The following SLC22A5 variants were observed in gnomAD, a reference collection of about 807,000 sequenced individuals.
SLC22A5 encodes the protein organic cation/carnitine transporter 2.
SLC22A5 carries 44 observed loss-of-function variants against 56.7 expected under a neutral mutation model. The ratio of observed to expected loss-of-function variants is 0.78; its 90% CI spans 0.61 to 1.00. The LOEUF (loss-of-function observed/expected upper bound fraction) is 1.00, where lower values mean the gene tolerates loss of function less well. SLC22A5 is among the 50% of genes least tolerant of loss of function. The pLI is 0.00. For missense variants in SLC22A5, 675 were observed against 723.0 expected (o/e 0.93, Z 0.76); for synonymous variants, 278 against 292.1 (o/e 0.95, Z 0.49).
intron 4 of SLC22A5, 114 bp downstream of exon 4, chr5:132,385,613 C>A (rs1752502247): frequency 1.2e-6 from 1 of 855,560 alleles, no homozygotes; most frequent in Non-Finnish European, 1.9e-6. Flanking sequence ...AGACAGGAAG[C>A]ATAGATTATA....
At chr5:132,389,064 T>C (rs1022158800) in intron 6 of SLC22A5, 43 bp downstream of exon 6, 1 of 1,311,448 alleles carries the variant, frequency 7.6e-7, no homozygotes, top group African/African-American at 1.4e-5. Context: ...ACAAAGCTTC[T>C]TGAAGTGGCC....
chr5:132,384,338 G>A, intron 3 of SLC22A5, 37 bp downstream of exon 3: 1 of 1,595,552 alleles, frequency 6.3e-7, no homozygotes, highest in Admixed American at 1.7e-5. Flanking sequence ...ACTTGATCCT[G>A]TATTTCACCA....
intron 6 of SLC22A5, chr5:132,389,224 A>C (rs1362831231): frequency 1.8e-6 from 1 of 562,334 alleles, no homozygotes; most frequent in African/African-American, 1.9e-5. Context: ...GAATGAAAAC[A>C]ATTGTGGAGG....
chr5:132,370,868 T>C (rs2126766378), intron 1 of SLC22A5, among the ~76,000 whole-genome samples: 1 of 152,094 alleles, frequency 6.6e-6, no homozygotes, highest in Admixed American at 6.5e-5. Context: ...AGTTACTCCT[T>C]CCCCTACCGT....
chr5:132,393,919 T>A (rs759442080), intron 9 of SLC22A5, 108 bp downstream of exon 9: 65 of 1,315,044 alleles, frequency 4.9e-5, no homozygotes, highest in Non-Finnish European at 7.0e-5. Flanking sequence ...ACAGACACCA[T>A]GGACTAGTTT....
chr5:132,390,991 A>G, intron 7 of SLC22A5, 87 bp downstream of exon 7: 1 of 1,083,340 alleles, frequency 9.2e-7, no homozygotes, highest in Non-Finnish European at 1.4e-6. Context: ...AGAGAATAAA[A>G]TCAAGCCCAT....
Position 132,388,976 on chromosome 5 carries a change from GA to G in SLC22A5, c.1009del (p.Thr337ProfsTer12), listed in dbSNP as rs386134213. ...TCCCACAACATTCTGGATCTGCTTC[GA>G]ACCTGGAATATCCGGATGGTCACCA... ...QQSHNILDLL[R>X]TWNIRMVTIM... On this transcript the variant is annotated frameshift_variant, in exon 6 of 10. Coordinates refer to ENST00000245407, the MANE Select transcript of SLC22A5 (RefSeq NM_003060.4). LOFTEE classifies it high-confidence loss of function. The G allele has an allele frequency of 6.2e-7, 1 of 1,613,920 alleles. No individual in the cohort carries two copies. Among genetic ancestry groups the G allele is most frequent in the Non-Finnish European group, 8.5e-7 (1 of 1,179,838 alleles).
At position 132,393,794 on chromosome 5, in the gene SLC22A5, G is replaced by T; in HGVS notation, c.1569G>T (p.Gln523His). The T allele has an allele frequency of 6.2e-7, 1 of 1,614,158 alleles. No homozygotes were observed. Among genetic ancestry groups the T allele is most frequent in the Non-Finnish European group, 8.5e-7 (1 of 1,180,022 alleles). The change falls in exon 9 of 10, where the codon CAG (glutamine) becomes CAT (histidine). Residue 523 changes from glutamine (Q) to histidine (H), a missense_variant. Coordinates refer to ENST00000245407, the MANE Select transcript of SLC22A5 (RefSeq NM_003060.4). ...FGTPLPDTID[Q>H]MLRVKGMKHR... ...CCCCACTCCCAGACACCATTGACCA[G>T]ATGCTAAGAGTCAAAGGGTAAGAAG... is the stretch of plus-strand genomic sequence containing the variant.
chr5:132,383,955 T>C lies in SLC22A5; in HGVS notation c.498-192T>C, dbSNP rs907695680. The stretch of plus-strand genomic sequence containing the variant: ...CAACCCTGGTACCCAGGCTGTACAT[T>C]TGTCATGGGGAGTGGGGAGGGGGAG... On this transcript the variant is annotated intron_variant, in intron 2 of 9. Transcript: ENST00000245407. 20 of 638,646 alleles carry C rather than the reference T, an allele frequency of 3.1e-5. No individual in the cohort carries two copies. In the African/African-American group the frequency reaches 3.2e-4, roughly 10 times the overall value. The allele number at this position is 638,646 out of a possible 1,614,324, so 39.6% of individuals were successfully genotyped here.
rs573356194 is a variant in SLC22A5, at chr5:132,373,468, T to C, written c.393+3103T>C. 9.2e-5 allele frequency among the ~76,000 whole-genome samples: 14 copies of C among 152,232 alleles called. No homozygotes were observed. The East Asian group carries it at 2.7e-3, about 29-fold the overall frequency. ...CTGGCCAACATGGTGAAACTCCATC[T>C]CTACTAAAAATACAAAAATTAGCTG... is the stretch of plus-strand genomic sequence containing the variant. On this transcript the variant is annotated intron_variant, in intron 1 of 9. Coordinates refer to ENST00000245407, the MANE Select transcript of SLC22A5 (RefSeq NM_003060.4).
chr5:132,371,986 T>C (rs1751952877), intron 1 of SLC22A5, among the ~76,000 whole-genome samples: 1 of 152,174 alleles, frequency 6.6e-6, no homozygotes, highest in African/African-American at 2.4e-5. Context: ...TGTGTGCATG[T>C]GTGTGTTTTT....
At chr5:132,385,261 C>G in intron 3 of SLC22A5, 67 bp from the exon 4 acceptor site, 1 of 1,349,160 alleles carries the variant, frequency 7.4e-7, no homozygotes, top group African/African-American at 1.4e-5. Context: ...CACAAAGATA[C>G]CATAAAAAAT....
intron 1 of SLC22A5, among the ~76,000 whole-genome samples, chr5:132,371,912 G>A (rs142065641): frequency 4.5e-4 from 68 of 152,270 alleles, no homozygotes; most frequent in African/African-American, 1.5e-3. Context: ...GATCCCAACT[G>A]TGTTGCTTCT....
At chr5:132,384,776 G>A (rs1752465107) in intron 3 of SLC22A5, among the ~76,000 whole-genome samples, 1 of 152,148 alleles carries the variant, frequency 6.6e-6, no homozygotes, top group Non-Finnish European at 1.5e-5. Flanking sequence ...TGATAGGAAG[G>A]GGCTTTCGTC....
intron 1 of SLC22A5, chr5:132,378,062 C>G: frequency 6.6e-7 from 1 of 1,520,852 alleles, no homozygotes; most frequent in Non-Finnish European, 8.8e-7. Context: ...CTGGGCTCCG[C>G]TCAGATTTTT....
chr5:132,384,155 G>A lies in SLC22A5; in HGVS notation c.506G>A (p.Arg169Gln), dbSNP rs121908889. 36 of 1,614,078 alleles carry A rather than the reference G, an allele frequency of 2.2e-5. No homozygotes were observed. Among genetic ancestry groups the A allele is most frequent in the East Asian group, 1.6e-4 (7 of 44,902 alleles). The change falls in exon 3 of 10, where the codon CGG becomes CAG. Residue 169 changes from arginine (R) to glutamine (Q), a missense_variant. Arg to Gln is a conservative substitution (Grantham distance 43, BLOSUM62 1). Transcript: ENST00000245407. ...TCTCCTTTTCTTCCCAGGTTTGGCC[G>A]GAAGAATGTGCTGTTCGTGACCATG... is the stretch of plus-strand genomic sequence containing the variant. ...ISGQLSDRFG[R>Q]KNVLFVTMGM...
chr5:132,371,610 A>G (rs1224446718), intron 1 of SLC22A5, among the ~76,000 whole-genome samples: 1 of 152,116 alleles, frequency 6.6e-6, no homozygotes, highest in Non-Finnish European at 1.5e-5. Context: ...AATAGCCCTC[A>G]TTGATAGATA....
intron 1 of SLC22A5, among the ~76,000 whole-genome samples, chr5:132,375,364 A>T (rs901073586): frequency 6.6e-6 from 1 of 152,228 alleles, no homozygotes; most frequent in African/African-American, 2.4e-5. Context: ...GTGTAGGAAT[A>T]TAGGAATACA....
intron 1 of SLC22A5, among the ~76,000 whole-genome samples, chr5:132,374,016 G>C (rs1419520549): frequency 6.6e-6 from 1 of 152,110 alleles, no homozygotes; most frequent in Non-Finnish European, 1.5e-5. Flanking sequence ...AGGAGTTCGA[G>C]ACCAGCCTGG....
Sources: allele counts gnomAD v4.1 joint callset (sites outside exome capture counted in the v4.1 genomes callset), GRCh38; gene constraint gnomAD v4.1.1; transcripts MANE v1.5; gene names NCBI Gene and HGNC (gene_info 2026-07-23, HGNC 2026-07-21).